IGDCC4: variants seen among roughly 807,000 people sequenced by gnomAD.
IGDCC4 encodes immunoglobulin superfamily DCC subclass member 4.
IGDCC4 carries 72 observed loss-of-function variants against 116.6 expected under a neutral mutation model. That is an observed-to-expected ratio of 0.62 (90% CI 0.51 to 0.75). The LOEUF (loss-of-function observed/expected upper bound fraction) is 0.75, where lower values mean the gene tolerates loss of function less well. IGDCC4 is among the 30% of genes least tolerant of loss of function. The pLI is 0.00. For synonymous variants in IGDCC4, 709 were observed against 719.9 expected (o/e 0.98, Z 0.24); for missense variants, 1,501 against 1,662.4 (o/e 0.90, Z 1.69).
chr15:65,397,570 C>T (rs552083138), intron 5 of IGDCC4, among the ~76,000 whole-genome samples: 37 of 151,970 alleles, frequency 2.4e-4, no homozygotes, highest in Non-Finnish European at 4.1e-4. Context: ...TGGCTCATGC[C>T]TGTGCTCTTG....
chr15:65,384,822 A>G lies in IGDCC4; in HGVS notation c.3342+132T>C. The G allele has an allele frequency of 8.1e-7, 1 of 1,236,252 alleles. No homozygotes were observed. Among genetic ancestry groups the G allele is most frequent in the Non-Finnish European group, 1.1e-6 (1 of 903,526 alleles). The allele number at this position is 1,236,252 out of a possible 1,614,324, so 76.6% of individuals were successfully genotyped here. On this transcript the variant is annotated intron_variant, in intron 19 of 19. Transcript: ENST00000352385. The surrounding 1 kb of genome is among the most constrained non-coding windows in gnomAD (Gnocchi z 4.9). ...CACCTACTCAACCTTTGGAGGCTCC[A>G]GGGGTCTCCTGGCTAGACTTCTATC...
chr15:65,407,877 G>A (rs1376688514), intron 3 of IGDCC4, among the ~76,000 whole-genome samples: 11 of 144,062 alleles, frequency 7.6e-5, no homozygotes, highest in Admixed American at 3.5e-4. Context: ...CTTGTGATCC[G>A]CCCGCCTCAG....
rs1213073508 is a variant in IGDCC4 at position 65,394,493 on chromosome 15, C to A, written c.1632G>T (p.Arg544Ser). Reference protein sequence around the residue: ...SLSSPNPSDIRVAWLPLPPSL... With the variant: ...SLSSPNPSDISVAWLPLPPSL... ...TGGGGGGCAGGGGCAGCCACGCCACCCTGATGTCCGAAGGGTTGGGGCTGG... is the reference window on the plus strand; with the variant it reads ...TGGGGGGCAGGGGCAGCCACGCCACACTGATGTCCGAAGGGTTGGGGCTGG... Residue 544 changes from arginine (R) to serine (S), a missense_variant, in exon 9 of 20, where the codon AGG becomes AGT. Coordinates refer to ENST00000352385, the MANE Select transcript of IGDCC4 (RefSeq NM_020962.3). The A allele has an allele frequency of 6.2e-7, 1 of 1,613,496 alleles. No homozygotes were observed. The highest frequency in any genetic ancestry group is 8.5e-7 in the Non-Finnish European group (1 of 1,179,714).
chr15:65,389,543 C>T lies in IGDCC4; in HGVS notation c.2409-132G>A, dbSNP rs1188615372. 4.9e-6 allele frequency: 6 copies of T among 1,215,826 alleles called. No individual in the cohort carries two copies. In the East Asian group the frequency reaches 1.4e-4, roughly 29 times the overall value. The allele number at this position is 1,215,826 out of a possible 1,614,324, so 75.3% of individuals were successfully genotyped here. ...CTGGGAAGGGAAGCTGCTCCCTGGCCTGGAGGCGACTACCACCACCCAGGG... is the reference window on the plus strand; with the variant it reads ...CTGGGAAGGGAAGCTGCTCCCTGGCTTGGAGGCGACTACCACCACCCAGGG... On this transcript the variant is annotated intron_variant, in intron 13 of 19. Transcript: ENST00000352385.
chr15:65,410,548 G>A (rs1391623952), intron 2 of IGDCC4: 4 of 581,552 alleles, frequency 6.9e-6, no homozygotes, highest in Non-Finnish European at 9.2e-6. Flanking sequence ...TCATCATGAT[G>A]GTCAAACTAT....
At chr15:65,399,391 G>A (rs939070976) in intron 5 of IGDCC4, among the ~76,000 whole-genome samples, 1 of 142,696 alleles carries the variant, frequency 7.0e-6, no homozygotes, top group Admixed American at 7.5e-5. Context: ...GCCGGCAAAA[G>A]TTGGAGGCTG....
At chr15:65,394,047 T>C (rs935208885) in intron 9 of IGDCC4, among the ~76,000 whole-genome samples, 2 of 152,278 alleles carry the variant, frequency 1.3e-5, no homozygotes, top group South Asian at 2.1e-4. Context: ...GTTACCCAGA[T>C]GGGAGTACAA....
At position 65,388,944 on chromosome 15, in the gene IGDCC4, G is replaced by A; in HGVS notation, c.2571C>T (p.Ser857=). ...PSTPPSDLRL[S]PLTPSTVRLH... Reference sequence around the variant, plus strand: ...GCCGAACCGTGGACGGTGTCAGGGGGCTCAGTCGCAGGTCGGATGGGGGTG... The same window carrying A: ...GCCGAACCGTGGACGGTGTCAGGGGACTCAGTCGCAGGTCGGATGGGGGTG... The change falls in exon 15 of 20, where the codon AGC becomes AGT. Residue 857 remains serine, a synonymous_variant. Transcript: ENST00000352385. The A allele has an allele frequency of 6.2e-7, 1 of 1,611,080 alleles. No homozygotes were observed. Among genetic ancestry groups the A allele is most frequent in the Non-Finnish European group, 8.5e-7 (1 of 1,178,716 alleles).
chr15:65,404,961 G>A (rs1194584175), intron 3 of IGDCC4, among the ~76,000 whole-genome samples: 2 of 152,272 alleles, frequency 1.3e-5, no homozygotes, highest in East Asian at 3.9e-4. Flanking sequence ...CTGAAGTGGG[G>A]AGATTGCTTG....
chr15:65,409,773 G>A (rs2063072826), intron 3 of IGDCC4, among the ~76,000 whole-genome samples: 1 of 152,184 alleles, frequency 6.6e-6, no homozygotes, highest in Non-Finnish European at 1.5e-5. Context: ...AACTCCGGAG[G>A]AACCCTGAAA....
intron 14 of IGDCC4, 21 bp from the exon 15 acceptor site, chr15:65,388,999 T>C (rs752314231): frequency 2.2e-5 from 33 of 1,519,044 alleles, no homozygotes; most frequent in East Asian, 2.3e-5. Flanking sequence ...GGAGAGGAGA[T>C]GGGGAGAGAT....
intron 3 of IGDCC4, among the ~76,000 whole-genome samples, chr15:65,409,336 C>T (rs932703730): frequency 5.9e-5 from 9 of 152,102 alleles, no homozygotes; most frequent in African/African-American, 2.2e-4. Context: ...AGGAGCCCCA[C>T]CTCCACCAGG....
In IGDCC4 at chr15:65,402,373, G is replaced by A. The variant is rs772389590; in HGVS notation, c.678C>T (p.Ala226=). 3.8e-6 allele frequency: 6 copies of A among 1,570,506 alleles called. No homozygotes were observed. The highest frequency in any genetic ancestry group is 1.9e-5 in the Admixed American group (1 of 53,964). The change falls in exon 4 of 20, where the codon GCC becomes GCT. Residue 226 remains alanine (A), a synonymous_variant. Transcript: ENST00000352385. The stretch of plus-strand genomic sequence containing the variant: ...TACCTCTGTGGGCCACACTGAGTAG[G>A]GCCTCCTGGCTGAAGTGCTGGCGAG... ...NSARQHFSQE[A]LLSVAHRGSL... is the part of the protein sequence containing the mutation.
At chr15:65,386,428 C>T (rs935861927) in intron 17 of IGDCC4, 123 bp downstream of exon 17, 5 of 831,394 alleles carry the variant, frequency 6.0e-6, no homozygotes, top group African/African-American at 5.0e-5. Flanking sequence ...TCCCAGAGTC[C>T]TGACTTTAAC....
Position 65,393,546 on chromosome 15 carries a change from A to G in IGDCC4, c.1715-15T>C. The G allele has an allele frequency of 6.3e-7, 1 of 1,577,638 alleles. No homozygotes were observed. Among genetic ancestry groups the G allele is most frequent in the Non-Finnish European group, 8.6e-7 (1 of 1,156,832 alleles). ...GAAAATCTGATCTGCAGGGACAGAA[A>G]AGGTGGGCTGCTGGGTAGCCACCTG... On this transcript the variant is annotated splice_polypyrimidine_tract_variant and intron_variant, in intron 9 of 19. Transcript: ENST00000352385. This position sits in a 1 kb window ranked among gnomAD's most constrained non-coding sequence, Gnocchi z 4.6.
intron 18 of IGDCC4, 65 bp from the exon 19 acceptor site, chr15:65,385,180 G>C (rs995613865): frequency 6.7e-7 from 1 of 1,487,710 alleles, no homozygotes; most frequent in Non-Finnish European, 8.9e-7. Context: ...AGGGAAGCCC[G>C]GGGGAGGGAA....
chr15:65,396,127 G>A lies in IGDCC4; in HGVS notation c.1034C>T (p.Ser345Leu), dbSNP rs1192908975. ...PAITQAPEAL[S>L]RTRASTARFV... ...GCGCGCTGTGCTCGCCCGCGTCCGC[G>A]ACAGCGCCTCGGGCGCCTGAGTGAT... is the stretch of plus-strand genomic sequence containing the variant. Residue 345 changes from serine (S) to leucine (L), a missense_variant, in exon 7 of 20, where the codon TCG becomes TTG. Around this residue, in one of 3 missense-constraint regions of IGDCC4, gnomAD observed 898 missense variants for 978.9 expected, o/e 0.92. Coordinates refer to ENST00000352385, the MANE Select transcript of IGDCC4 (RefSeq NM_020962.3). 1.4e-6 allele frequency: 2 copies of A among 1,459,654 alleles called. No homozygotes were observed. The highest frequency in any genetic ancestry group is 4.9e-5 in the Admixed American group (2 of 40,770). 90.4% of individuals were successfully genotyped at this position (1,459,654 alleles called of 1,614,324 possible).
At chr15:65,410,770 A>C in intron 2 of IGDCC4, 1 of 535,364 alleles carries the variant, frequency 1.9e-6, no homozygotes, top group South Asian at 2.5e-5. Context: ...ACAAGCCCAG[A>C]CTCTAGGACT....
chr15:65,397,043 T>G, intron 5 of IGDCC4, 54 bp from the exon 6 acceptor site: 1 of 1,545,028 alleles, frequency 6.5e-7, no homozygotes, highest in Admixed American at 2.0e-5. Flanking sequence ...TGCCCTTCCC[T>G]TCAGTCTCCG....
Sources: allele counts gnomAD v4.1 joint callset (sites outside exome capture counted in the v4.1 genomes callset), GRCh38; gene constraint gnomAD v4.1.1; regional missense constraint gnomAD v4.1.1; non-coding constraint Gnocchi (gnomAD v3.1); transcripts MANE v1.5; gene names NCBI Gene and HGNC (gene_info 2026-07-23, HGNC 2026-07-21).